AKR1A1: variants seen among roughly 807,000 people sequenced by gnomAD.
AKR1A1 encodes the protein HEL-S-165mP.
Under a neutral mutation model 39.2 loss-of-function variants are expected in AKR1A1, and 26 were observed. The ratio of observed to expected loss-of-function variants is 0.66; its 90% CI spans 0.49 to 0.92. The LOEUF (loss-of-function observed/expected upper bound fraction) is 0.92. AKR1A1 is among the 40% of genes least tolerant of loss of function. The pLI is 0.00. For synonymous variants in AKR1A1, 141 were observed against 155.5 expected, an observed-to-expected ratio of 0.91 and a Z score of 0.69; for missense variants, 378 against 406.5, an observed-to-expected ratio of 0.93 and a Z score of 0.60.
At chr1:45,555,419 G>A (rs891973811) in intron 1 of AKR1A1, among the ~76,000 whole-genome samples, 1 of 152,074 alleles carries the variant, frequency 6.6e-6, no homozygotes, top group Non-Finnish European at 1.5e-5. Flanking sequence ...CCCAGGAGGC[G>A]GAGGTTGCGG....
At chr1:45,565,980 G>C (rs556256880) in intron 2 of AKR1A1, among the ~76,000 whole-genome samples, 5 of 152,278 alleles carry the variant, frequency 3.3e-5, no homozygotes, top group African/African-American at 1.2e-4. Flanking sequence ...GTTTTTGCTA[G>C]ACCTTGCTGA....
At chr1:45,551,470 A>C (rs896974152) in intron 1 of AKR1A1, among the ~76,000 whole-genome samples, 4 of 152,170 alleles carry the variant, frequency 2.6e-5, no homozygotes, top group Admixed American at 2.6e-4. Context: ...TTGTTTGCTC[A>C]CCTATGTGCT....
chr1:45,566,838 T>G lies in AKR1A1; in HGVS notation c.205-31T>G, dbSNP rs765131546. 1.1e-5 allele frequency: 18 copies of G among 1,608,988 alleles called. 1 individual carries two copies. The South Asian group carries it at 1.7e-4, about 15-fold the overall frequency. On this transcript the variant is annotated intron_variant, in intron 3 of 8. Transcript: ENST00000351829. ...GGGTGAGACCACGTGCTCATGGCTC[T>G]TCTCACTGTGGGCCCTGCCCCCTGC...
At chr1:45,568,874 A>T (rs1361243122) in intron 6 of AKR1A1, 53 bp from the exon 7 acceptor site, 7 of 1,589,320 alleles carry the variant, frequency 4.4e-6, no homozygotes, top group Non-Finnish European at 6.0e-6. Context: ...GGAACAAAAT[A>T]GTGCTTATGA....
Position 45,561,855 on chromosome 1 carries a change from A to G in AKR1A1, c.61A>G (p.Thr21Ala), listed in dbSNP as rs777679717. ...GAAGATGCCTCTGATTGGTCTGGGTACCTGGAAGAGTGAGCCTGGTCAGGT... is the reference window on the plus strand; with the variant it reads ...GAAGATGCCTCTGATTGGTCTGGGTGCCTGGAAGAGTGAGCCTGGTCAGGT... ...GQKMPLIGLG[T>A]WKSEPGQVKA... The change falls in exon 2 of 9, where the codon ACC becomes GCC. Residue 21 changes from threonine (T) to alanine (A), a missense_variant. Thr to Ala is a moderately conservative substitution (Grantham distance 58). Transcript: ENST00000351829. 2 of 1,614,108 alleles carry G rather than the reference A, an allele frequency of 1.2e-6. No individual in the cohort carries two copies. The highest frequency in any genetic ancestry group is 2.2e-5 in the South Asian group (2 of 91,080).
intron 2 of AKR1A1, among the ~76,000 whole-genome samples, chr1:45,565,319 G>A (rs923667277): frequency 4.0e-5 from 6 of 150,272 alleles, no homozygotes; most frequent in Non-Finnish European, 5.9e-5. Flanking sequence ...TAGTAGAGAC[G>A]GGGTTTCTCC....
At chr1:45,561,735 G>C (rs1009900159) in intron 1 of AKR1A1, 54 bp from the exon 2 acceptor site, 1 of 1,563,586 alleles carries the variant, frequency 6.4e-7, no homozygotes, top group Admixed American at 1.7e-5. Context: ...GGAAATCTGA[G>C]ACCTGAACAA....
intron 2 of AKR1A1, among the ~76,000 whole-genome samples, chr1:45,562,239 A>G (rs1463769249): frequency 1.3e-5 from 2 of 151,576 alleles, no homozygotes; most frequent in Admixed American, 6.6e-5. Flanking sequence ...GCCTCTCCCT[A>G]CTGCTCAGTC....
chr1:45,569,182 C>T lies in AKR1A1; in HGVS notation c.865C>T (p.Leu289=). 1.9e-6 allele frequency: 3 copies of T among 1,614,158 alleles called. No homozygotes were observed. Among genetic ancestry groups the T allele is most frequent in the Non-Finnish European group, 2.5e-6 (3 of 1,180,020 alleles). The change falls in exon 8 of 9, where the codon CTA becomes TTA. Residue 289 remains leucine, a synonymous_variant. Coordinates refer to ENST00000351829, the MANE Select transcript of AKR1A1 (RefSeq NM_153326.3). ...FTFSPEEMKQ[L]NALNKNWRYI... Reference sequence around the variant, plus strand: ...CTTTAGCCCAGAAGAGATGAAGCAGCTAAATGCCCTGAACAAAAATTGGAG... The same window carrying T: ...CTTTAGCCCAGAAGAGATGAAGCAGTTAAATGCCCTGAACAAAAATTGGAG...
chr1:45,558,321 C>T (rs1383366679), intron 1 of AKR1A1, among the ~76,000 whole-genome samples: 2 of 151,810 alleles, frequency 1.3e-5, no homozygotes, highest in African/African-American at 4.8e-5. Flanking sequence ...CTCCGCCTCC[C>T]GGGTTCAGGT....
rs572507310 is a variant in AKR1A1, at chr1:45,566,107, T to G, written c.85-462T>G. Among the ~76,000 whole-genome samples the G allele has an allele frequency of 1.7e-3, 252 of 152,196 alleles. 2 individuals are homozygous for G. The highest frequency in any genetic ancestry group is 3.0e-3 in the Admixed American group (46 of 15,286). On this transcript the variant is annotated intron_variant, in intron 2 of 8. Coordinates refer to ENST00000351829, the MANE Select transcript of AKR1A1 (RefSeq NM_153326.3). ...GACTGAAACCATCTTCCATCTTTTT[T>G]TTTTTCTTTCTTTGTTTTGAGATGG...
chr1:45,565,207 T>G (rs1268698769), intron 2 of AKR1A1, among the ~76,000 whole-genome samples: 1 of 146,238 alleles, frequency 6.8e-6, no homozygotes, highest in Non-Finnish European at 1.5e-5. Context: ...CTTGGCTCAC[T>G]GTAACCTCCA....
At position 45,566,697 on chromosome 1, in the gene AKR1A1, T is replaced by G; in HGVS notation, c.204+9T>G. On this transcript the variant is annotated intron_variant, in intron 3 of 8. Coordinates refer to ENST00000351829, the MANE Select transcript of AKR1A1 (RefSeq NM_153326.3). ...ACGTGGGACCAGGCAAGGTAAGGAC[T>G]GGGGTTGTAAATAGAGGTGGGATAA... 1 of 1,613,970 alleles carries G rather than the reference T, an allele frequency of 6.2e-7. No individual in the cohort carries two copies. Among genetic ancestry groups the G allele is most frequent in the Non-Finnish European group, 8.5e-7 (1 of 1,179,938 alleles).
intron 4 of AKR1A1, chr1:45,567,763 C>T: frequency 2.5e-6 from 1 of 400,472 alleles, no homozygotes; most frequent in Non-Finnish European, 4.5e-6. Flanking sequence ...GGAGGTGGAG[C>T]TTGCAGTGAG....
chr1:45,554,503 C>G (rs1457914576), intron 1 of AKR1A1, among the ~76,000 whole-genome samples: 1 of 151,544 alleles, frequency 6.6e-6, no homozygotes, highest in Non-Finnish European at 1.5e-5. Flanking sequence ...TGCTCCAGTC[C>G]AGGAGTTCGA....
At chr1:45,560,642 A>T (rs1002667154) in intron 1 of AKR1A1, among the ~76,000 whole-genome samples, 1 of 147,828 alleles carries the variant, frequency 6.8e-6, no homozygotes, top group African/African-American at 2.5e-5. Flanking sequence ...GACTCCCTTT[A>T]CCTCCCTTGC....
intron 1 of AKR1A1, among the ~76,000 whole-genome samples, chr1:45,556,791 C>T (rs553401202): frequency 2.6e-5 from 4 of 152,058 alleles, no homozygotes; most frequent in Admixed American, 2.0e-4. Context: ...GCAGGAGAAT[C>T]GCTTGAACCT....
At chr1:45,558,814 G>C (rs916880945) in intron 1 of AKR1A1, among the ~76,000 whole-genome samples, 4 of 152,138 alleles carry the variant, frequency 2.6e-5, no homozygotes, top group African/African-American at 9.7e-5. Flanking sequence ...ACAGGTGTGA[G>C]CCACCACTCC....
intron 6 of AKR1A1, 72 bp downstream of exon 6, chr1:45,568,756 TG>T: frequency 6.3e-7 from 1 of 1,576,456 alleles, no homozygotes; most frequent in Non-Finnish European, 8.7e-7. Context: ...TTTCAGTGTC[TG>T]GGTGAGGCTG....
Sources: allele counts gnomAD v4.1 joint callset (sites outside exome capture counted in the v4.1 genomes callset), GRCh38; gene constraint gnomAD v4.1.1; transcripts MANE v1.5; gene names NCBI Gene and HGNC (gene_info 2026-07-23, HGNC 2026-07-21).